The following AVEN variants were observed in gnomAD, a reference collection of about 807,000 sequenced individuals.
AVEN encodes the protein cell death regulator Aven.
AVEN carries 41 observed loss-of-function variants against 38.1 expected under a neutral mutation model. The ratio of observed to expected loss-of-function variants is 1.08; its 90% CI spans 0.84 to 1.40. The LOEUF is 1.40. Ranked by LOEUF, AVEN falls within the 40% of genes most tolerant of loss-of-function variation. The pLI is 0.00. For missense variants in AVEN, 605 were observed against 438.8 expected (o/e 1.38, Z -3.38); for synonymous variants, 206 against 171.8 (o/e 1.20, Z -1.56).
intron 3 of AVEN, among the ~76,000 whole-genome samples, chr15:33,871,283 C>T (rs1182074506): frequency 6.6e-6 from 1 of 152,016 alleles, no homozygotes; most frequent in Admixed American, 6.6e-5. Context: ...CAAGACTGTC[C>T]AGGCTGGGCG....
intron 5 of AVEN, among the ~76,000 whole-genome samples, chr15:34,059,190 C>A (rs1232998691): frequency 2.6e-5 from 4 of 152,190 alleles, no homozygotes; most frequent in Non-Finnish European, 2.9e-5. Flanking sequence ...AGCCACCACA[C>A]CTGGCCTCCT....
At chr15:34,009,340 C>A (rs531564604) in intron 1 of AVEN, among the ~76,000 whole-genome samples, 18 of 152,206 alleles carry the variant, frequency 1.2e-4, no homozygotes, top group South Asian at 2.1e-4. Flanking sequence ...CATGAAAAAA[C>A]CAGTAATTAT....
At chr15:33,868,121 G>C (rs1035585547) in intron 4 of AVEN, among the ~76,000 whole-genome samples, 6 of 152,174 alleles carry the variant, frequency 3.9e-5, no homozygotes, top group African/African-American at 1.2e-4. Flanking sequence ...CTCAGATTTG[G>C]AATGAAAAGA....
In AVEN at chr15:34,055,954, G is replaced by T. The variant is rs1318294869; in HGVS notation, n.1637+6968C>A. 2.0e-5 allele frequency among the ~76,000 whole-genome samples: 3 copies of T among 152,090 alleles called. No homozygotes were observed. The East Asian group carries it at 5.8e-4, about 29-fold the overall frequency. On this transcript the variant is annotated intron_variant and non_coding_transcript_variant, in intron 5 of 11. Coordinates refer to the AVEN transcript ENST00000675287. Reference sequence around the variant, plus strand: ...GATTACAAAATCCTGGTGACCTCAGGTGATCTGCCTACCTCAGCCTCCCAA... The same window carrying T: ...GATTACAAAATCCTGGTGACCTCAGTTGATCTGCCTACCTCAGCCTCCCAA...
intron 11 of AVEN, chr15:33,859,701 G>A (rs766633345): frequency 9.3e-6 from 15 of 1,611,596 alleles, no homozygotes; most frequent in East Asian, 4.5e-5. Context: ...TTTCTTCTTC[G>A]TCATTGTCAT....
chr15:34,024,922 C>A (rs867315021), intron 1 of AVEN, among the ~76,000 whole-genome samples: 1 of 149,288 alleles, frequency 6.7e-6, no homozygotes. Context: ...GTGGCTCACA[C>A]CTGTAATCCT....
At chr15:33,884,150 A>G (rs1891603258) in intron 2 of AVEN, among the ~76,000 whole-genome samples, 1 of 152,206 alleles carries the variant, frequency 6.6e-6, no homozygotes, top group Non-Finnish European at 1.5e-5. Flanking sequence ...CACCATGCCC[A>G]GAGAGCATTT....
rs33928063 is a variant in AVEN, at chr15:33,918,458, C to CTTTTTTTTTTTTTTTTTT, written c.446-42481_446-42464dup. 1.3e-4 allele frequency among the ~76,000 whole-genome samples: 11 copies of CTTTTTTTTTTTTTTTTTT among 84,504 alleles called. 1 individual carries two copies. The highest frequency in any genetic ancestry group is 5.6e-4 in the South Asian group (1 of 1,794). 55.4% of individuals were successfully genotyped at this position (84,504 alleles called of 152,430 possible). A position where few individuals can be genotyped will look rare whatever the true frequency, so the allele number is the denominator to read the frequency against. The stretch of plus-strand genomic sequence containing the variant: ...GTGTCTTCCCAGTCTTAAATTACAG[C>CTTTTTTTTTTTTTTTTTT]TTTTTTTTTTTTTTTTTTTTTTTTT... On this transcript the variant is annotated intron_variant, in intron 2 of 5. Transcript: ENST00000306730.
intron 1 of AVEN, among the ~76,000 whole-genome samples, chr15:34,003,423 A>G (rs1261431069): frequency 1.3e-5 from 2 of 152,222 alleles, no homozygotes; most frequent in African/African-American, 4.8e-5. Flanking sequence ...AAATCTAGCA[A>G]GCAGCTGCCT....
At chr15:33,862,083 A>T (rs1243682899), downstream of AVEN, among the ~76,000 whole-genome samples, 1 of 152,040 alleles carries the variant, frequency 6.6e-6, no homozygotes, top group East Asian at 1.9e-4. Flanking sequence ...GAATGTATAG[A>T]GTGTATAGAT....
chr15:33,876,031 G>C (rs1226133688), intron 2 of AVEN, 36 bp from the exon 3 acceptor site: 1 of 1,571,678 alleles, frequency 6.4e-7, no homozygotes, highest in Non-Finnish European at 8.7e-7. Flanking sequence ...TTATGCAAAA[G>C]CCAACGGAAA....
intron 2 of AVEN, among the ~76,000 whole-genome samples, chr15:33,965,610 G>C (rs1895354861): frequency 6.6e-6 from 1 of 152,136 alleles, no homozygotes; most frequent in Non-Finnish European, 1.5e-5. Context: ...CTCTGAAGTT[G>C]TTTAGCCAAC....
intron 2 of AVEN, among the ~76,000 whole-genome samples, chr15:33,994,554 G>A (rs1000671255): frequency 2.0e-5 from 3 of 152,140 alleles, no homozygotes; most frequent in African/African-American, 7.2e-5. Flanking sequence ...ACCGGTCCCT[G>A]GTGCCAAAAA....
At chr15:34,046,711 G>C (rs1899698439) in intron 5 of AVEN, 1 of 152,268 alleles carries the variant, frequency 6.6e-6, no homozygotes, top group African/African-American at 2.4e-5. Flanking sequence ...AAAGGTGTGA[G>C]TGAATACAGC....
intron 1 of AVEN, among the ~76,000 whole-genome samples, chr15:34,005,747 C>A (rs552677943): frequency 6.6e-6 from 1 of 152,286 alleles, no homozygotes; most frequent in East Asian, 1.9e-4. Flanking sequence ...AAATTTAACA[C>A]TAGTCAATAA....
At chr15:33,889,393 T>C (rs1350265143) in intron 2 of AVEN, among the ~76,000 whole-genome samples, 1 of 152,232 alleles carries the variant, frequency 6.6e-6, no homozygotes, top group Non-Finnish European at 1.5e-5. Flanking sequence ...CTCCCCACTG[T>C]TGGCTTGTGA....
At chr15:33,973,736 CGA>C (rs1015462940) in intron 2 of AVEN, among the ~76,000 whole-genome samples, 8 of 152,242 alleles carry the variant, frequency 5.3e-5, no homozygotes, top group African/African-American at 1.4e-4. Context: ...GTCTGACATA[CGA>C]AATTGCATTT....
At chr15:33,871,947 T>A (rs966333003) in intron 3 of AVEN, among the ~76,000 whole-genome samples, 4 of 152,224 alleles carry the variant, frequency 2.6e-5, no homozygotes, top group Non-Finnish European at 5.9e-5. Context: ...TAATAATAAA[T>A]CAGCATTTTG....
intron 2 of AVEN, among the ~76,000 whole-genome samples, chr15:33,916,254 A>AT (rs934142516): frequency 1.3e-5 from 2 of 152,170 alleles, no homozygotes; most frequent in African/African-American, 4.8e-5. Flanking sequence ...ACTACAACTA[A>AT]GGACCCTCAC....
Sources: allele counts gnomAD v4.1 joint callset (sites outside exome capture counted in the v4.1 genomes callset), GRCh38; gene constraint gnomAD v4.1.1; transcripts MANE v1.5; gene names NCBI Gene and HGNC (gene_info 2026-07-23, HGNC 2026-07-21).